PKP4: variants seen among roughly 807,000 people sequenced by gnomAD.
PKP4 encodes plakophilin-4.
In PKP4, 90 loss-of-function variants were observed where a neutral mutation model predicts 145.1. The observed-to-expected ratio is 0.62, with a 90% CI of 0.52 to 0.74. The LOEUF is 0.74. PKP4 is among the 30% of genes least tolerant of loss of function. PKP4 has a pLI of 0.00. For synonymous variants in PKP4, 563 were observed against 577.2 expected (o/e 0.98, Z 0.35); for missense variants, 1,340 against 1,482.7 (o/e 0.90, Z 1.58).
intron 1 of PKP4, among the ~76,000 whole-genome samples, chr2:158,504,361 C>T (rs994566397): frequency 1.4e-4 from 21 of 152,192 alleles, no homozygotes; most frequent in Non-Finnish European, 2.8e-4. Flanking sequence ...TGTCCTACTT[C>T]CCCGCAGTGT....
At chr2:158,630,094 T>G (rs1015466024) in intron 7 of PKP4, among the ~76,000 whole-genome samples, 3 of 152,228 alleles carry the variant, frequency 2.0e-5, no homozygotes, top group Non-Finnish European at 4.4e-5. Flanking sequence ...AAAGCAAATA[T>G]ATGCTGACTG....
chr2:158,671,474 AG>A (rs1216720749), intron 17 of PKP4, among the ~76,000 whole-genome samples: 3 of 152,230 alleles, frequency 2.0e-5, no homozygotes, highest in Non-Finnish European at 2.9e-5. Flanking sequence ...GCATAAGAAG[AG>A]GCTGAGATGC....
At chr2:158,663,502 T>C (rs2056800505) in intron 15 of PKP4, 57 bp downstream of exon 15, 1 of 1,414,172 alleles carries the variant, frequency 7.1e-7, no homozygotes, top group Non-Finnish European at 9.9e-7. Flanking sequence ...TAACTTGAAA[T>C]GTTATATATA....
At chr2:158,466,896 C>T (rs1326485195) in intron 1 of PKP4, among the ~76,000 whole-genome samples, 1 of 152,112 alleles carries the variant, frequency 6.6e-6, no homozygotes, top group Non-Finnish European at 1.5e-5. Flanking sequence ...TGTATCTGTA[C>T]CTTTTGTGAA....
chr2:158,565,201 G>T (rs1009428596), intron 2 of PKP4, among the ~76,000 whole-genome samples: 1 of 152,072 alleles, frequency 6.6e-6, no homozygotes, highest in African/African-American at 2.4e-5. Context: ...CATTCATTCA[G>T]TACTGCCCGA....
chr2:158,623,896 T>A (rs2052505794), intron 6 of PKP4, among the ~76,000 whole-genome samples: 1 of 152,184 alleles, frequency 6.6e-6, no homozygotes, highest in African/African-American at 2.4e-5. Flanking sequence ...CATACATGTT[T>A]CCCTTGGGCC....
At chr2:158,516,980 T>C (rs966008244) in intron 1 of PKP4, among the ~76,000 whole-genome samples, 1 of 152,228 alleles carries the variant, frequency 6.6e-6, no homozygotes, top group African/African-American at 2.4e-5. Flanking sequence ...TATTTTTTAA[T>C]AGACCTTATA....
At position 158,621,615 on chromosome 2, in the gene PKP4, G is replaced by A. The variant is rs371830800; in HGVS notation, c.603+194G>A. Among the ~76,000 whole-genome samples the A allele has an allele frequency of 3.0e-4, 46 of 152,000 alleles. 1 individual carries two copies. The East Asian group carries it at 6.6e-3, about 22-fold the overall frequency. ...ACAAAAATTAGCCGGGCGTGGTGGC[G>A]GGCGCCTGTAATCTCAGCAACTCGG... On this transcript the variant is annotated intron_variant, in intron 6 of 21. Coordinates refer to ENST00000389759, the MANE Select transcript of PKP4 (RefSeq NM_003628.6).
At chr2:158,643,308 A>AG in intron 11 of PKP4, among the ~76,000 whole-genome samples, 1 of 152,296 alleles carries the variant, frequency 6.6e-6, no homozygotes, top group South Asian at 2.1e-4. Context: ...AGTTGGCCTA[A>AG]GGGATGAGGA....
intron 1 of PKP4, among the ~76,000 whole-genome samples, chr2:158,505,758 A>G (rs975820403): frequency 1.3e-5 from 2 of 152,066 alleles, no homozygotes; most frequent in Non-Finnish European, 2.9e-5. Context: ...GAAGGAAGAG[A>G]CAAAGCTGGG....
chr2:158,503,490 T>C (rs1232507925), intron 1 of PKP4, among the ~76,000 whole-genome samples: 1 of 152,242 alleles, frequency 6.6e-6, no homozygotes, highest in Non-Finnish European at 1.5e-5. Context: ...TATTCTCATA[T>C]ATAAACTCAT....
chr2:158,666,100 A>G (rs2057057173), intron 15 of PKP4: 1 of 177,606 alleles, frequency 5.6e-6, no homozygotes, highest in Non-Finnish European at 1.2e-5. Context: ...AAAACACACG[A>G]TCCTTCCTTA....
intron 2 of PKP4, among the ~76,000 whole-genome samples, chr2:158,550,143 A>ATTCTATTAAATTGTATTTAT (rs564291706): frequency 2.0e-5 from 3 of 147,046 alleles, no homozygotes; most frequent in South Asian, 2.1e-4. Flanking sequence ...TGCCAAGAAG[A>ATTCTATTAAATTGTATTTAT]AGTTAAACAA....
chr2:158,484,615 G>C (rs1180162401), intron 1 of PKP4, among the ~76,000 whole-genome samples: 1 of 152,198 alleles, frequency 6.6e-6, no homozygotes, highest in Non-Finnish European at 1.5e-5. Context: ...CTTTCTCAAA[G>C]AGGGCCTTAC....
chr2:158,534,919 A>C (rs1055571054), intron 2 of PKP4, among the ~76,000 whole-genome samples: 11 of 152,182 alleles, frequency 7.2e-5, no homozygotes, highest in African/African-American at 2.7e-4. Flanking sequence ...TTATTCATTA[A>C]AACAGTTATT....
intron 1 of PKP4, among the ~76,000 whole-genome samples, chr2:158,530,531 T>C (rs1279527408): frequency 1.5e-5 from 2 of 130,844 alleles, no homozygotes; most frequent in African/African-American, 5.9e-5. Flanking sequence ...TTTTTTTTGC[T>C]AGTGGAATGG....
Position 158,627,990 on chromosome 2 carries a change from A to AT in PKP4, c.1153+2572dup, listed in dbSNP as rs111973928. On this transcript the variant is annotated intron_variant, in intron 7 of 21. Transcript: ENST00000389759. ...TATTTTTATTTATTTTTATTTTTTT[A>AT]TTTTTTTTTGAGACGGAGTTTCGCT... Among the ~76,000 whole-genome samples, 809 of 149,502 alleles carry AT rather than the reference A, an allele frequency of 5.4e-3. 5 individuals carry two copies. Among genetic ancestry groups the AT allele is most frequent in the African/African-American group, 0.012 (488 of 40,856 alleles).
Position 158,674,007 on chromosome 2 carries a change from G to A in PKP4, c.3127+7G>A. ...TCACCCATCATTCAGTCAGGTCAGT[G>A]GGAAAATGCCACTCCTTGGCGAGAA... On this transcript the variant is annotated splice_region_variant and intron_variant, in intron 19 of 21. Coordinates refer to ENST00000389759, the MANE Select transcript of PKP4 (RefSeq NM_003628.6). The A allele has an allele frequency of 6.9e-7, 1 of 1,443,104 alleles. No individual in the cohort carries two copies. The highest frequency in any genetic ancestry group is 1.1e-5 in the South Asian group (1 of 87,820). 89.4% of individuals were successfully genotyped at this position (1,443,104 alleles called of 1,614,324 possible).
intron 1 of PKP4, among the ~76,000 whole-genome samples, chr2:158,529,082 A>T (rs1475424299): frequency 1.3e-5 from 2 of 152,222 alleles, no homozygotes; most frequent in Non-Finnish European, 2.9e-5. Flanking sequence ...CTCTGATTAA[A>T]GATCTCTCAT....
Sources: allele counts gnomAD v4.1 joint callset (sites outside exome capture counted in the v4.1 genomes callset), GRCh38; gene constraint gnomAD v4.1.1; transcripts MANE v1.5; gene names NCBI Gene and HGNC (gene_info 2026-07-23, HGNC 2026-07-21).